Variants in GPHN observed in about 807,000 individuals in gnomAD.
The protein encoded by GPHN is gephyrin.
In GPHN, 17 loss-of-function variants were observed where a neutral mutation model predicts 95.5. The ratio of observed to expected loss-of-function variants is 0.18; its 90% CI spans 0.12 to 0.27. GPHN has a LOEUF of 0.27. Among genes scored for constraint, GPHN ranks in the 10% least tolerant of loss-of-function variants. The pLI is 1.00. For synonymous variants in GPHN, 320 were observed against 322.5 expected (o/e 0.99, Z 0.08); for missense variants, 660 against 978.1 (o/e 0.67, Z 4.34).
At chr14:67,123,577 GA>G (rs2079126478) in intron 17 of GPHN, among the ~76,000 whole-genome samples, 1 of 152,104 alleles carries the variant, frequency 6.6e-6, no homozygotes, top group South Asian at 2.1e-4. Context: ...TCGGGAGGCT[GA>G]GGCATGAGAA....
rs531267314 is a variant in GPHN, at chr14:66,965,616, A to T, written c.963+291A>T. The stretch of plus-strand genomic sequence containing the variant: ...AGATTTGTTATTTTTTAGTATACTT[A>T]ACATTATAGATGTAAAGTTATTTGT... On this transcript the variant is annotated intron_variant, in intron 9 of 22. Transcript: ENST00000478722. Among the ~76,000 whole-genome samples, 17 of 152,264 alleles carry T rather than the reference A, an allele frequency of 1.1e-4. No individual in the cohort carries two copies. In the East Asian group the frequency reaches 3.3e-3, roughly 29 times the overall value.
the GPHN span, chr14:67,380,564 C>T: frequency 3.6e-6 from 2 of 551,826 alleles, no homozygotes; most frequent in Non-Finnish European, 3.0e-6. Flanking sequence ...CTATTATATG[C>T]TTAACTATTA....
chr14:67,332,850 C>T, the GPHN span: 34 of 1,613,724 alleles, frequency 2.1e-5, no homozygotes, highest in East Asian at 1.6e-4. Context: ...TACTTTGATA[C>T]GGCAATTGTG....
intron 4 of GPHN, among the ~76,000 whole-genome samples, chr14:66,878,528 C>T (rs2063776913): frequency 1.3e-5 from 2 of 152,096 alleles, no homozygotes; most frequent in South Asian, 4.1e-4. Context: ...AAGAAAAAAA[C>T]AACGCCATCA....
chr14:67,459,368 T>C, the GPHN span, among the ~76,000 whole-genome samples: 1 of 152,206 alleles, frequency 6.6e-6, no homozygotes, highest in South Asian at 2.1e-4. Flanking sequence ...ACCCTAACCA[T>C]TAGAGTCTGA....
intron 3 of GPHN, among the ~76,000 whole-genome samples, chr14:66,805,168 T>C (rs374338968): frequency 2.0e-5 from 3 of 152,168 alleles, no homozygotes; most frequent in Non-Finnish European, 4.4e-5. Context: ...ACATCTTACA[T>C]GGATGGCGGC....
chr14:67,023,415 T>C (rs1349732744), intron 9 of GPHN, among the ~76,000 whole-genome samples: 1 of 152,146 alleles, frequency 6.6e-6, no homozygotes. Flanking sequence ...TACAATATTG[T>C]ACCCCGAATT....
the GPHN span, among the ~76,000 whole-genome samples, chr14:67,390,410 CT>C: frequency 6.6e-6 from 1 of 152,156 alleles, no homozygotes; most frequent in African/African-American, 2.4e-5. Flanking sequence ...TGCTTTTCCT[CT>C]GAAAATGATA....
chr14:66,837,265 TAAA>T (rs1214559318), intron 4 of GPHN, among the ~76,000 whole-genome samples: 1 of 151,524 alleles, frequency 6.6e-6, no homozygotes, highest in Non-Finnish European at 1.5e-5. Flanking sequence ...TATGCAGCCA[TAAA>T]AAATGATGAG....
chr14:67,297,328 C>T, the GPHN span, among the ~76,000 whole-genome samples: 1 of 152,112 alleles, frequency 6.6e-6, no homozygotes, highest in Admixed American at 6.5e-5. Flanking sequence ...TATACAGATG[C>T]ACACACATAT....
At chr14:66,973,964 A>G (rs773038408) in intron 9 of GPHN, among the ~76,000 whole-genome samples, 4 of 152,188 alleles carry the variant, frequency 2.6e-5, no homozygotes, top group Non-Finnish European at 5.9e-5. Context: ...ACTCTATATC[A>G]ATACTCAGCT....
At chr14:66,537,868 C>G (rs1456365530) in intron 1 of GPHN, among the ~76,000 whole-genome samples, 16 of 152,178 alleles carry the variant, frequency 1.1e-4, no homozygotes, top group Admixed American at 1.0e-3. Context: ...CGCTCTGTTA[C>G]TGAGGCTGGA....
rs2073805000 is a variant in GPHN, at chr14:67,024,116, G to A, written c.1006+441G>A. 2.0e-5 allele frequency among the ~76,000 whole-genome samples: 3 copies of A among 152,030 alleles called. No homozygotes were observed. In the South Asian group the frequency reaches 6.2e-4, roughly 32 times the overall value. ...ATTCCTGACATATAATAACTTCACA[G>A]GCAGCATGTGTTAGAACATAGAACC... On this transcript the variant is annotated intron_variant, in intron 10 of 22. Transcript: ENST00000478722.
chr14:66,516,755 T>C (rs2058261779), intron 1 of GPHN, among the ~76,000 whole-genome samples: 1 of 152,182 alleles, frequency 6.6e-6, no homozygotes, highest in Admixed American at 6.5e-5. Flanking sequence ...TTTCTTGTTC[T>C]TTTAAAAAAC....
At chr14:67,626,982 T>C in the GPHN span, among the ~76,000 whole-genome samples, 2 of 152,130 alleles carry the variant, frequency 1.3e-5, no homozygotes, top group Admixed American at 6.5e-5. Context: ...CCACATGTTA[T>C]ATGATTCCAT....
the GPHN span, chr14:67,724,635 C>A: frequency 1.4e-6 from 2 of 1,402,990 alleles, no homozygotes; most frequent in Non-Finnish European, 1.0e-6. Flanking sequence ...TGCCTCCCAC[C>A]CTTCTTCCCA....
intron 8 of GPHN, among the ~76,000 whole-genome samples, chr14:66,953,967 G>A (rs1299484999): frequency 3.3e-5 from 5 of 151,784 alleles, no homozygotes; most frequent in Admixed American, 6.6e-5. Flanking sequence ...CCCAGGAGGC[G>A]GAGGTTGCAG....
At chr14:67,077,458 T>C (rs1276433584) in intron 11 of GPHN, among the ~76,000 whole-genome samples, 2 of 152,208 alleles carry the variant, frequency 1.3e-5, no homozygotes, top group African/African-American at 4.8e-5. Flanking sequence ...AACCTCATTG[T>C]AAATCAAGAA....
At chr14:67,090,603 G>A (rs1026895544) in intron 12 of GPHN, among the ~76,000 whole-genome samples, 1 of 151,906 alleles carries the variant, frequency 6.6e-6, no homozygotes, top group South Asian at 2.1e-4. Context: ...AATACTTCTG[G>A]TCCCAAGCAT....
Sources: gnomAD v4.1 joint callset for allele counts (sites outside exome capture counted in the v4.1 genomes callset) on GRCh38, gnomAD v4.1.1 for gene constraint, MANE v1.5 for transcripts, NCBI Gene and HGNC (gene_info 2026-07-23, HGNC 2026-07-21) for gene names.